Variants in FRY observed in about 807,000 individuals in gnomAD.
The protein encoded by FRY is protein furry homolog.
In FRY, 128 loss-of-function variants were observed where a neutral mutation model predicts 348.4. The observed-to-expected ratio is 0.37, with a 90% CI of 0.32 to 0.43. The LOEUF is 0.43. Among genes scored for constraint, FRY ranks in the 20% least tolerant of loss-of-function variants. The probability of loss-of-function intolerance (pLI) is 1.00; values close to 1 mark genes in which losing one functional copy is unlikely to be tolerated. For missense variants in FRY, 2,736 were observed against 3,695.2 expected (o/e 0.74, Z 6.73); for synonymous variants, 1,370 against 1,374.7 (o/e 1.00, Z 0.08).
At chr13:32,277,540 A>C (rs1279724014) in intron 57 of FRY, among the ~76,000 whole-genome samples, 2 of 152,198 alleles carry the variant, frequency 1.3e-5, no homozygotes, top group African/African-American at 2.4e-5. Context: ...TGAAACCCAG[A>C]GCTGTGGGAT....
chr13:32,061,916 A>AT (rs1566049891), intron 1 of FRY, among the ~76,000 whole-genome samples: 1 of 152,078 alleles, frequency 6.6e-6, no homozygotes, highest in Middle Eastern at 3.4e-3. Context: ...CGGCTCTTTA[A>AT]TTTTTTTTAG....
intron 58 of FRY, among the ~76,000 whole-genome samples, chr13:32,281,127 CTATT>C (rs1215137242): frequency 2.0e-5 from 3 of 152,068 alleles, no homozygotes; most frequent in Non-Finnish European, 4.4e-5. Flanking sequence ...TAGAGTTCAC[CTATT>C]TATTCATTTG....
chr13:32,051,778 G>A (rs139654371), intron 1 of FRY, among the ~76,000 whole-genome samples: 3 of 152,338 alleles, frequency 2.0e-5, no homozygotes, highest in African/African-American at 7.2e-5. Context: ...TGCGAAGTAT[G>A]AGGTGCTTTC....
At position 32,115,569 on chromosome 13, in the gene FRY, T is replaced by C. The variant is rs528323839; in HGVS notation, c.325-1765T>C. On this transcript the variant is annotated intron_variant, in intron 3 of 60. Transcript: ENST00000542859. ...GTTCCTTCACTCTGGCAAAATAAAG[T>C]CTTCATACCAGTCAGATATTTCTTC... Among the ~76,000 whole-genome samples, 14 of 152,314 alleles carry C rather than the reference T, an allele frequency of 9.2e-5. No homozygotes were observed. In the East Asian group the frequency reaches 2.7e-3, roughly 29 times the overall value.
chr13:32,038,582 T>C (rs1217490556), intron 1 of FRY: 3 of 152,194 alleles, frequency 2.0e-5, no homozygotes, highest in African/African-American at 7.2e-5. Flanking sequence ...GTCTTTCATT[T>C]GATAGATGCC....
intron 1 of FRY, among the ~76,000 whole-genome samples, chr13:32,038,047 C>G (rs1872606614): frequency 6.6e-6 from 1 of 152,222 alleles, no homozygotes; most frequent in Admixed American, 6.5e-5. Context: ...TCAGCACCTT[C>G]AAACACATTA....
In FRY at chr13:32,061,447, T is replaced by G. The variant is rs149763562; in HGVS notation, c.71-17387T>G. 4.1e-3 allele frequency among the ~76,000 whole-genome samples: 626 copies of G among 152,342 alleles called. 8 individuals are homozygous for G. Among genetic ancestry groups the G allele is most frequent in the African/African-American group, 0.014 (598 of 41,580 alleles). On this transcript the variant is annotated intron_variant, in intron 1 of 60. Transcript: ENST00000542859. ...ATTTTTCTGTGCACTTAACTTTCAC[T>G]AAAAGATTTGGTATGACACTGCAGT...
intron 2 of FRY, among the ~76,000 whole-genome samples, chr13:32,095,317 T>C (rs1876615871): frequency 6.6e-6 from 1 of 151,690 alleles, no homozygotes; most frequent in Admixed American, 6.6e-5. Context: ...TTGTTGATTG[T>C]TTCCTTTGCT....
Position 32,298,489 on chromosome 13 carries a change from ACT to A in FRY, c.*3030_*3031del, listed in dbSNP as rs1461928401. The A allele has an allele frequency of 1.3e-5, 2 of 152,232 alleles. No individual in the cohort carries two copies. Among genetic ancestry groups the A allele is most frequent in the Non-Finnish European group, 2.9e-5 (2 of 68,048 alleles). The allele number at this position is 152,232 out of a possible 1,614,324, so 9.4% of individuals were successfully genotyped here. A position where few individuals can be genotyped will look rare whatever the true frequency, so the allele number is the denominator to read the frequency against. On this transcript the variant is annotated 3_prime_UTR_variant, in exon 61 of 61. Transcript: ENST00000542859. ...ATTGCATGCCCACTCTGGGCTAGGC[ACT>A]GTTTTAGAGGACACCGCAGCTATCA...
intron 29 of FRY, among the ~76,000 whole-genome samples, chr13:32,198,724 CTCA>C (rs940855217): frequency 3.9e-5 from 6 of 152,346 alleles, no homozygotes; most frequent in Admixed American, 2.0e-4. Flanking sequence ...CATTCTTGCA[CTCA>C]TCATCATCAC....
chr13:32,287,843 T>C, intron 58 of FRY: 1 of 1,340,602 alleles, frequency 7.5e-7, no homozygotes, highest in Non-Finnish European at 1.0e-6. Context: ...TTCCTTTGTT[T>C]CCTGTGCCAT....
intron 11 of FRY, among the ~76,000 whole-genome samples, chr13:32,146,913 G>GACATAATT (rs1332498077): frequency 6.6e-6 from 1 of 152,120 alleles, no homozygotes; most frequent in Non-Finnish European, 1.5e-5. Context: ...AAACAGTAAG[G>GACATAATT]ATTTAAAAGG....
intron 28 of FRY, among the ~76,000 whole-genome samples, chr13:32,189,384 C>T (rs548056158): frequency 6.6e-6 from 1 of 152,052 alleles, no homozygotes; most frequent in Admixed American, 6.5e-5. Flanking sequence ...TTTCCATGAG[C>T]TTTCTGAAGA....
rs564162212 is a variant in FRY, at chr13:32,077,079, G to T, written c.71-1755G>T. On this transcript the variant is annotated intron_variant, in intron 1 of 60. Transcript: ENST00000542859. ...AGAGGAGGAAGAGATGGGCAGAAAA[G>T]AATGGAAAGGAGCTGCAGAAAAGAA... Among the ~76,000 whole-genome samples the T allele has an allele frequency of 2.6e-5, 4 of 152,286 alleles. No individual in the cohort carries two copies. In the South Asian group the frequency reaches 8.3e-4, roughly 32 times the overall value.
At chr13:32,176,783 G>A (rs1882384602) in intron 20 of FRY, among the ~76,000 whole-genome samples, 1 of 152,224 alleles carries the variant, frequency 6.6e-6, no homozygotes, top group African/African-American at 2.4e-5. Flanking sequence ...ATACAGAAAC[G>A]GGGAGAGAGT....
At chr13:32,263,644 T>C (rs1887782301) in intron 53 of FRY, among the ~76,000 whole-genome samples, 1 of 152,240 alleles carries the variant, frequency 6.6e-6, no homozygotes, top group Non-Finnish European at 1.5e-5. Context: ...TTGATATTTC[T>C]CAATGTCAAT....
At position 32,237,487 on chromosome 13, in the gene FRY, C is replaced by G; in HGVS notation, c.5919C>G (p.Ala1973=). The G allele has an allele frequency of 6.2e-7, 1 of 1,614,110 alleles. No individual in the cohort carries two copies. The highest frequency in any genetic ancestry group is 8.5e-7 in the Non-Finnish European group (1 of 1,180,026). The stretch of plus-strand genomic sequence containing the variant: ...CCACCAGCGGCAACACCGCAACTGC[C>G]GAACGGAGCCGGCATCAACGAAGCT... ...PGTTSGNTAT[A]ERSRHQRSFS... Residue 1973 remains alanine (A), a synonymous_variant, in exon 44 of 61, where the codon GCC becomes GCG. Coordinates refer to ENST00000542859, the MANE Select transcript of FRY (RefSeq NM_023037.3). This position sits in a 1 kb window ranked among gnomAD's most constrained non-coding sequence, Gnocchi z 6.3.
chr13:32,068,928 T>C lies in FRY; in HGVS notation c.71-9906T>C, dbSNP rs1245056652. ...GTTCAATTCTTTTTTTTTTTTTTTT[T>C]TTTTTGAGACTGAGTCTCGCTCTGT... On this transcript the variant is annotated intron_variant, in intron 1 of 60. Coordinates refer to ENST00000542859, the MANE Select transcript of FRY (RefSeq NM_023037.3). 4.7e-5 allele frequency among the ~76,000 whole-genome samples: 7 copies of C among 147,394 alleles called. No homozygotes were observed. The East Asian group carries it at 1.4e-3, about 29-fold the overall frequency.
At chr13:32,292,037 C>T (rs1048384377) in intron 59 of FRY, 4 of 451,298 alleles carry the variant, frequency 8.9e-6, no homozygotes, top group Non-Finnish European at 1.3e-5. Flanking sequence ...GGCTGGAGTG[C>T]AATGGCACGA....
Sources: gnomAD v4.1 joint callset for allele counts (sites outside exome capture counted in the v4.1 genomes callset) on GRCh38, gnomAD v4.1.1 for gene constraint, Gnocchi (gnomAD v3.1) non-coding constraint, MANE v1.5 for transcripts, NCBI Gene and HGNC (gene_info 2026-07-23, HGNC 2026-07-21) for gene names.